Variants in ATP2B4 observed in about 807,000 individuals in gnomAD.
ATP2B4 encodes ATPase plasma membrane Ca2+ transporting 4.
In ATP2B4, 39 loss-of-function variants were observed where a neutral mutation model predicts 110.3. The observed-to-expected ratio is 0.35, with a 90% CI of 0.27 to 0.46. ATP2B4 has a LOEUF of 0.46. ATP2B4 is among the 20% of genes least tolerant of loss of function. The pLI, the probability that ATP2B4 is intolerant of heterozygous loss-of-function variation, is 1.00. For synonymous variants in ATP2B4, 538 were observed against 571.7 expected (o/e 0.94, Z 0.84); for missense variants, 1,135 against 1,530.9 (o/e 0.74, Z 4.32).
Position 203,707,241 on chromosome 1 carries a change from C to T in ATP2B4, c.1314+18C>T, listed in dbSNP as rs79831110. ...CTGTGAAGGTGAGACTAGAACAATC[C>T]TATCTCTTCCTTTAGGATAGAGATG... On this transcript the variant is annotated intron_variant, in intron 9 of 20. Transcript: ENST00000357681. 222 of 1,597,628 alleles carry T rather than the reference C, an allele frequency of 1.4e-4. No individual in the cohort carries two copies. In the East Asian group the frequency reaches 4.9e-3, roughly 35 times the overall value.
chr1:203,689,084 C>A (rs911908865), intron 2 of ATP2B4, among the ~76,000 whole-genome samples: 2 of 152,176 alleles, frequency 1.3e-5, no homozygotes, highest in African/African-American at 4.8e-5. Flanking sequence ...TTCCAATCCC[C>A]AAAGAACAGA....
At chr1:203,706,889 C>T (rs1416678774) in intron 8 of ATP2B4, 120 bp from the exon 9 acceptor site, 1 of 784,278 alleles carries the variant, frequency 1.3e-6, no homozygotes, top group Admixed American at 2.4e-5. Flanking sequence ...AGTAAGTCTT[C>T]CTGGCGATGG....
At chr1:203,657,594 A>C in intron 1 of ATP2B4, 1 of 977,608 alleles carries the variant, frequency 1.0e-6, no homozygotes. Flanking sequence ...ACACTGTTTA[A>C]GGTAAAGCTT....
Position 203,698,182 on chromosome 1 carries a change from G to A in ATP2B4, c.219G>A (p.Leu73=). The A allele has an allele frequency of 1.2e-6, 2 of 1,614,098 alleles. No homozygotes were observed. Among genetic ancestry groups the A allele is most frequent in the Non-Finnish European group, 1.7e-6 (2 of 1,180,028 alleles). Residue 73 remains leucine, a synonymous_variant, in exon 3 of 21, where the codon CTG becomes CTA. Coordinates refer to ENST00000357681, the MANE Select transcript of ATP2B4 (RefSeq NM_001684.5). ...GTCTGTCTGGGAACCCTGCAGATCT[G>A]GAGAAACGTAGGCAGGTGTTTGGAC... ...VEGLSGNPAD[L]EKRRQVFGHN... is the part of the protein sequence containing the mutation.
intron 1 of ATP2B4, among the ~76,000 whole-genome samples, chr1:203,651,616 G>A (rs1034067818): frequency 6.6e-6 from 1 of 152,118 alleles, no homozygotes; most frequent in African/African-American, 2.4e-5. Flanking sequence ...AAATATACTA[G>A]CTGGGCACAG....
intron 1 of ATP2B4, among the ~76,000 whole-genome samples, chr1:203,679,247 T>A (rs1664922940): frequency 6.6e-6 from 1 of 152,138 alleles, no homozygotes; most frequent in African/African-American, 2.4e-5. Flanking sequence ...CTAATCAGAT[T>A]AGGGGCCAGG....
intron 1 of ATP2B4, among the ~76,000 whole-genome samples, chr1:203,681,765 C>T (rs1273946854): frequency 6.6e-5 from 10 of 152,182 alleles, no homozygotes; most frequent in African/African-American, 2.4e-4. Context: ...TGATGTGAGA[C>T]TCTGGTGCTC....
At chr1:203,739,464 C>A in intron 20 of ATP2B4, 82 bp from the exon 21 acceptor site, 1 of 1,421,062 alleles carries the variant, frequency 7.0e-7, no homozygotes, top group South Asian at 1.3e-5. Flanking sequence ...TTGTTTCTCT[C>A]CTAAATCCAC....
At chr1:203,735,011 A>T (rs1224642889) in intron 20 of ATP2B4, among the ~76,000 whole-genome samples, 1 of 151,452 alleles carries the variant, frequency 6.6e-6, no homozygotes, top group Admixed American at 6.6e-5. Context: ...TCAAAAAAAA[A>T]AAAAAAAAAA....
intron 1 of ATP2B4, among the ~76,000 whole-genome samples, chr1:203,658,839 A>G (rs1255313281): frequency 1.3e-5 from 2 of 152,036 alleles, no homozygotes; most frequent in African/African-American, 4.8e-5. Context: ...CCCCGTCTCT[A>G]CTAAAAATAC....
In ATP2B4 at chr1:203,628,216, TC is replaced by T. The variant is rs1252564751; in HGVS notation, c.-465+998del. Among the ~76,000 whole-genome samples, 6 of 152,158 alleles carry T rather than the reference TC, an allele frequency of 3.9e-5. No individual in the cohort carries two copies. In the East Asian group the frequency reaches 1.2e-3, roughly 29 times the overall value. On this transcript the variant is annotated intron_variant, in intron 1 of 20. Coordinates refer to ENST00000357681, the MANE Select transcript of ATP2B4 (RefSeq NM_001684.5). The stretch of plus-strand genomic sequence containing the variant: ...TCCTTCCTGCTCTCCCTTCTCTCTT[TC>T]TTTTACATACTTGGCTCGCTCTTGG...
At position 203,691,014 on chromosome 1, in the gene ATP2B4, C is replaced by T. The variant is rs567130071; in HGVS notation, c.194-7143C>T. Among the ~76,000 whole-genome samples, 27 of 152,276 alleles carry T rather than the reference C, an allele frequency of 1.8e-4. No individual in the cohort carries two copies. In the South Asian group the frequency reaches 5.4e-3, roughly 30 times the overall value. On this transcript the variant is annotated intron_variant, in intron 2 of 20. Coordinates refer to ENST00000357681, the MANE Select transcript of ATP2B4 (RefSeq NM_001684.5). ...TGGGTTCTCTCTTCCTAGCCCAGCC[C>T]AGGCTCTGCCAGTTCTTTTCTACTT...
intron 15 of ATP2B4, among the ~76,000 whole-genome samples, chr1:203,719,297 T>C (rs1029841872): frequency 6.7e-5 from 10 of 148,258 alleles, no homozygotes; most frequent in Non-Finnish European, 1.2e-4. Context: ...AAACAAGGTA[T>C]ATTCATACAA....
In ATP2B4 at chr1:203,696,294, C is replaced by T. The variant is rs139161543; in HGVS notation, c.194-1863C>T. On this transcript the variant is annotated intron_variant, in intron 2 of 20. Coordinates refer to ENST00000357681, the MANE Select transcript of ATP2B4 (RefSeq NM_001684.5). ...GACATTTGCCTGTATACCACGTCTG[C>T]ATTCCTTCCTCAGCAACAGAATAGC... Among the ~76,000 whole-genome samples, 5 of 152,296 alleles carry T rather than the reference C, an allele frequency of 3.3e-5. No individual in the cohort carries two copies. The East Asian group carries it at 9.7e-4, about 29-fold the overall frequency.
In ATP2B4 at chr1:203,712,111, A is replaced by G. The variant is rs1345045719; in HGVS notation, c.2183A>G (p.Asn728Ser). 3 of 1,614,116 alleles carry G rather than the reference A, an allele frequency of 1.9e-6. No individual in the cohort carries two copies. The change falls in exon 13 of 21, where the codon AAC (asparagine) becomes AGC (serine). Residue 728 changes from asparagine to serine, a missense_variant. Physicochemically the swap from Asn to Ser is conservative, Grantham distance 46. This residue lies in a region of ATP2B4 where 368 missense variants were observed against 455.9 expected (regional missense o/e 0.81). Coordinates refer to ENST00000357681, the MANE Select transcript of ATP2B4 (RefSeq NM_001684.5). ...DFLCLEGKEFNRLIRNEKGEV... is the reference protein window; with the variant it reads ...DFLCLEGKEFSRLIRNEKGEV... ...CTGTGCTTAGAAGGCAAAGAATTCAACCGGCTCATCCGCAACGAGAAAGGC... is the reference window on the plus strand; with the variant it reads ...CTGTGCTTAGAAGGCAAAGAATTCAGCCGGCTCATCCGCAACGAGAAAGGC...
In ATP2B4 at chr1:203,723,934, G is replaced by A. The variant is rs755481788; in HGVS notation, c.3078G>A (p.Leu1026=). The change falls in exon 19 of 21, where the codon CTG becomes CTA. Residue 1026 remains leucine, a synonymous_variant. Transcript: ENST00000357681. The part of the protein sequence containing the change: ...GKPFSCTSLS[L]SQWLWCLFIG... The stretch of plus-strand genomic sequence containing the variant: ...CCTTCAGTTGTACAAGCCTCAGCCT[G>A]TCTCAGTGGCTGTGGTGTCTCTTCA... 7 of 1,612,024 alleles carry A rather than the reference G, an allele frequency of 4.3e-6. No homozygotes were observed. The highest frequency in any genetic ancestry group is 1.7e-5 in the Admixed American group (1 of 59,670).
chr1:203,733,538 C>T (rs1666795691), intron 20 of ATP2B4: 2 of 874,848 alleles, frequency 2.3e-6, no homozygotes, highest in Non-Finnish European at 3.3e-6. Flanking sequence ...AAGAAAAAGA[C>T]AAAAATCCTA....
At chr1:203,661,680 T>C (rs921303129) in intron 1 of ATP2B4, among the ~76,000 whole-genome samples, 5 of 152,216 alleles carry the variant, frequency 3.3e-5, no homozygotes, top group African/African-American at 9.6e-5. Context: ...TGCATGGTAT[T>C]CAGAAAGCCC....
In ATP2B4 at chr1:203,661,045, G is replaced by A. The variant is rs759640249; in HGVS notation, c.-464-21697G>A. On this transcript the variant is annotated intron_variant, in intron 1 of 20. Coordinates refer to ENST00000357681, the MANE Select transcript of ATP2B4 (RefSeq NM_001684.5). ...GAATTGCTTGAACCCAGGAAGCAGAGGTTACAGTGAGCTGAGATCGCGCCA... is the reference window on the plus strand; with the variant it reads ...GAATTGCTTGAACCCAGGAAGCAGAAGTTACAGTGAGCTGAGATCGCGCCA... Among the ~76,000 whole-genome samples, 4 of 152,098 alleles carry A rather than the reference G, an allele frequency of 2.6e-5. No individual in the cohort carries two copies. The East Asian group carries it at 7.7e-4, about 29-fold the overall frequency.
Sources: allele counts gnomAD v4.1 joint callset (sites outside exome capture counted in the v4.1 genomes callset), GRCh38; gene constraint gnomAD v4.1.1; regional missense constraint gnomAD v4.1.1; transcripts MANE v1.5; gene names NCBI Gene and HGNC (gene_info 2026-07-23, HGNC 2026-07-21).